Variants in NRXN3 observed in about 807,000 individuals in gnomAD.
NRXN3 encodes the protein neurexin 3.
A neutral mutation model predicts 137.6 loss-of-function variants in NRXN3; 32 were observed. That is an observed-to-expected ratio of 0.23 (90% CI 0.18 to 0.31). The LOEUF (loss-of-function observed/expected upper bound fraction) is 0.31, where lower values mean the gene tolerates loss of function less well. Among genes scored for constraint, NRXN3 ranks in the 10% least tolerant of loss-of-function variants. NRXN3 has a pLI of 1.00. For missense variants in NRXN3, 1,574 were observed against 2,062.5 expected, an observed-to-expected ratio of 0.76 and a Z score of 4.59; for synonymous variants, 798 against 784.5, an observed-to-expected ratio of 1.02 and a Z score of -0.29.
At chr14:79,287,373 A>G (rs1286973121) in intron 15 of NRXN3, among the ~76,000 whole-genome samples, 1 of 152,210 alleles carries the variant, frequency 6.6e-6, no homozygotes, top group Non-Finnish European at 1.5e-5. Context: ...AGTAAAGTGA[A>G]AAGAGAGGAC....
chr14:79,017,658 G>T (rs1364554036), intron 15 of NRXN3, among the ~76,000 whole-genome samples: 2 of 152,106 alleles, frequency 1.3e-5, no homozygotes, highest in Non-Finnish European at 2.9e-5. Flanking sequence ...CACATTCTAT[G>T]CTATATATAT....
At chr14:79,221,512 G>A (rs1011978207) in intron 15 of NRXN3, among the ~76,000 whole-genome samples, 3 of 151,662 alleles carry the variant, frequency 2.0e-5, no homozygotes, top group Non-Finnish European at 2.9e-5. Flanking sequence ...CAGTGATGAT[G>A]AGCATTTTTT....
intron 15 of NRXN3, among the ~76,000 whole-genome samples, chr14:79,454,894 T>C (rs891447568): frequency 3.9e-5 from 6 of 152,224 alleles, no homozygotes; most frequent in Non-Finnish European, 5.9e-5. Flanking sequence ...ATACACTACT[T>C]TTCATGTTTC....
At position 78,224,750 on chromosome 14, in the gene NRXN3, C is replaced by CTTTTTTTTTTT; in HGVS notation, c.-703-17624_-703-17614dup. Among the ~76,000 whole-genome samples the CTTTTTTTTTTT allele has an allele frequency of 4.3e-4, 28 of 64,844 alleles. 6 individuals carry two copies. Among genetic ancestry groups the CTTTTTTTTTTT allele is most frequent in the East Asian group, 1.3e-3 (2 of 1,542 alleles). 42.5% of individuals were successfully genotyped at this position (64,844 alleles called of 152,430 possible). A position where few individuals can be genotyped will look rare whatever the true frequency, so the allele number is the denominator to read the frequency against. ...ACAATAAACATACGTGTGCATGTGT[C>CTTTTTTTTTTT]TTTTTTTTTTTTTTTTTTTTTTTTT... On this transcript the variant is annotated intron_variant, in intron 1 of 20. Coordinates refer to ENST00000335750, the MANE Select transcript of NRXN3 (RefSeq NM_001330195.2).
intron 4 of NRXN3, among the ~76,000 whole-genome samples, chr14:78,466,591 A>G (rs1364520021): frequency 6.6e-6 from 1 of 152,182 alleles, no homozygotes; most frequent in Non-Finnish European, 1.5e-5. Context: ...GAAGAATTAG[A>G]ATTTAATTGA....
At chr14:79,043,696 G>C (rs575894224) in intron 15 of NRXN3, among the ~76,000 whole-genome samples, 1 of 152,126 alleles carries the variant, frequency 6.6e-6, no homozygotes, top group South Asian at 2.1e-4. Context: ...AGTGTGGCTT[G>C]TGGTTCTTTT....
At chr14:79,383,340 A>G (rs2094522536) in intron 15 of NRXN3, among the ~76,000 whole-genome samples, 1 of 152,160 alleles carries the variant, frequency 6.6e-6, no homozygotes, top group Non-Finnish European at 1.5e-5. Context: ...TGGAATGGAC[A>G]TGCAAATTTT....
At chr14:78,509,290 C>A (rs951275522) in intron 4 of NRXN3, among the ~76,000 whole-genome samples, 2 of 152,112 alleles carry the variant, frequency 1.3e-5, no homozygotes, top group Non-Finnish European at 2.9e-5. Flanking sequence ...CAGAGCGAGA[C>A]CCCATCTCAA....
At chr14:79,115,827 A>G (rs1767788512) in intron 15 of NRXN3, among the ~76,000 whole-genome samples, 1 of 152,186 alleles carries the variant, frequency 6.6e-6, no homozygotes, top group Non-Finnish European at 1.5e-5. Flanking sequence ...TGCCATGTAT[A>G]TGATTGTTAC....
At chr14:79,640,120 G>T (rs564548142) in intron 16 of NRXN3, among the ~76,000 whole-genome samples, 1 of 135,432 alleles carries the variant, frequency 7.4e-6, no homozygotes, top group East Asian at 2.0e-4. Flanking sequence ...ATTTACATAA[G>T]CCAGGGAGGC....
intron 15 of NRXN3, among the ~76,000 whole-genome samples, chr14:79,293,764 C>T (rs2083570047): frequency 6.6e-6 from 1 of 152,228 alleles, no homozygotes; most frequent in African/African-American, 2.4e-5. Context: ...AGGCATGTCA[C>T]CCCCTCACGG....
At chr14:78,766,357 T>C (rs1235222132) in intron 8 of NRXN3, among the ~76,000 whole-genome samples, 1 of 152,198 alleles carries the variant, frequency 6.6e-6, no homozygotes, top group East Asian at 1.9e-4. Flanking sequence ...TAACAGGGCA[T>C]TTGCAGAAGG....
At chr14:78,650,006 C>T (rs1180373074) in intron 5 of NRXN3, among the ~76,000 whole-genome samples, 1 of 152,134 alleles carries the variant, frequency 6.6e-6, no homozygotes, top group Non-Finnish European at 1.5e-5. Flanking sequence ...AACCCAATTT[C>T]AGTTTCTTCT....
chr14:79,080,502 C>A (rs528856181), intron 15 of NRXN3, among the ~76,000 whole-genome samples: 1 of 152,228 alleles, frequency 6.6e-6, no homozygotes, highest in Admixed American at 6.5e-5. Context: ...CACACTTTTC[C>A]CCCAGAGTGT....
At chr14:79,760,212 C>T (rs2099033584) in intron 19 of NRXN3, among the ~76,000 whole-genome samples, 1 of 151,512 alleles carries the variant, frequency 6.6e-6, no homozygotes, top group African/African-American at 2.4e-5. Context: ...TAATACTTCT[C>T]ATTAGAAAAA....
At chr14:79,396,180 T>C (rs1184466994) in intron 15 of NRXN3, among the ~76,000 whole-genome samples, 1 of 152,022 alleles carries the variant, frequency 6.6e-6, no homozygotes, top group Non-Finnish European at 1.5e-5. Flanking sequence ...TAAACTGAAA[T>C]GAGTAAAGAG....
chr14:79,242,244 T>G (rs185991296), intron 15 of NRXN3, among the ~76,000 whole-genome samples: 3 of 152,220 alleles, frequency 2.0e-5, no homozygotes, highest in African/African-American at 7.2e-5. Flanking sequence ...CTTAGCTTTT[T>G]GGGATTCTAT....
chr14:78,755,839 T>G (rs1567224743), intron 8 of NRXN3, among the ~76,000 whole-genome samples: 1 of 152,222 alleles, frequency 6.6e-6, no homozygotes, highest in East Asian at 1.9e-4. Context: ...AAGCTTAAAT[T>G]ATCTGTATGT....
chr14:78,357,122 T>G (rs962347125), intron 4 of NRXN3, among the ~76,000 whole-genome samples: 1 of 152,190 alleles, frequency 6.6e-6, no homozygotes, highest in Non-Finnish European at 1.5e-5. Context: ...AAGACATACC[T>G]GCGACTTGGC....
Sources: allele counts gnomAD v4.1 joint callset (sites outside exome capture counted in the v4.1 genomes callset), GRCh38; gene constraint gnomAD v4.1.1; transcripts MANE v1.5; gene names NCBI Gene and HGNC (gene_info 2026-07-23, HGNC 2026-07-21).